Variants in PRKG1 observed in about 807,000 individuals in gnomAD.
PRKG1 encodes protein kinase cGMP-dependent 1.
Under a neutral mutation model 88.1 loss-of-function variants are expected in PRKG1, and 35 were observed. The observed-to-expected ratio is 0.40, with a 90% CI of 0.30 to 0.53. The LOEUF is 0.53. Ranked by LOEUF, PRKG1 falls within the 20% of genes least tolerant of loss-of-function variation. The probability of loss-of-function intolerance (pLI) is 0.59; values close to 1 mark genes in which losing one functional copy is unlikely to be tolerated. For missense variants in PRKG1, 540 were observed against 839.8 expected, an observed-to-expected ratio of 0.64 and a Z score of 4.41; for synonymous variants, 303 against 292.5, an observed-to-expected ratio of 1.04 and a Z score of -0.37.
At chr10:51,764,385 A>T (rs1370946904) in intron 3 of PRKG1, among the ~76,000 whole-genome samples, 1 of 152,254 alleles carries the variant, frequency 6.6e-6, no homozygotes, top group East Asian at 1.9e-4. Flanking sequence ...TAAATAGCTT[A>T]TGTTTTGGGG....
intron 3 of PRKG1, among the ~76,000 whole-genome samples, chr10:51,792,795 A>G (rs1377246673): frequency 6.6e-6 from 1 of 152,122 alleles, no homozygotes; most frequent in Non-Finnish European, 1.5e-5. Context: ...TGACTTTTAA[A>G]GATTACTTCT....
At chr10:51,870,338 G>T (rs1841124105) in intron 4 of PRKG1, among the ~76,000 whole-genome samples, 1 of 152,014 alleles carries the variant, frequency 6.6e-6, no homozygotes, top group South Asian at 2.1e-4. Flanking sequence ...TTCCTCCAGT[G>T]TTGTCAGAGT....
At chr10:51,867,651 C>T (rs1432507234) in intron 4 of PRKG1, among the ~76,000 whole-genome samples, 1 of 152,076 alleles carries the variant, frequency 6.6e-6, no homozygotes, top group Non-Finnish European at 1.5e-5. Context: ...GTGATATAGA[C>T]TGTGAATTGG....
intron 9 of PRKG1, among the ~76,000 whole-genome samples, chr10:52,185,804 A>C (rs1839185481): frequency 6.6e-6 from 1 of 152,202 alleles, no homozygotes; most frequent in Non-Finnish European, 1.5e-5. Flanking sequence ...ATGGTGGCTT[A>C]TGCTCTCTAA....
At chr10:51,532,724 T>C (rs576809487) in intron 3 of PRKG1, among the ~76,000 whole-genome samples, 4 of 152,316 alleles carry the variant, frequency 2.6e-5, no homozygotes, top group Admixed American at 2.6e-4. Flanking sequence ...ATAAGGCAGC[T>C]CTTTGACCCC....
At chr10:52,014,213 A>G (rs1027754351) in intron 5 of PRKG1, among the ~76,000 whole-genome samples, 7 of 152,170 alleles carry the variant, frequency 4.6e-5, no homozygotes, top group African/African-American at 1.7e-4. Context: ...ATTTATAAAT[A>G]AAAGAGGTTT....
intron 5 of PRKG1, among the ~76,000 whole-genome samples, chr10:51,921,134 C>A (rs1050479404): frequency 2.6e-5 from 4 of 152,014 alleles, no homozygotes; most frequent in African/African-American, 7.2e-5. Flanking sequence ...CCTCTTCCAC[C>A]TACTTATCCC....
intron 1 of PRKG1, among the ~76,000 whole-genome samples, chr10:51,080,173 G>T (rs181917750): frequency 3.3e-5 from 5 of 152,256 alleles, no homozygotes; most frequent in Admixed American, 2.0e-4. Flanking sequence ...TGAGACCAGC[G>T]TGCTAAAACC....
intron 3 of PRKG1, among the ~76,000 whole-genome samples, chr10:51,507,399 T>C (rs1841252997): frequency 1.3e-5 from 2 of 151,288 alleles, no homozygotes; most frequent in Admixed American, 1.3e-4. Context: ...CTAAATGAGC[T>C]ATCTGAAGAA....
At chr10:51,704,627 A>G (rs1841560340) in intron 3 of PRKG1, among the ~76,000 whole-genome samples, 2 of 152,196 alleles carry the variant, frequency 1.3e-5, no homozygotes, top group African/African-American at 4.8e-5. Flanking sequence ...GAAGGGTTAT[A>G]ATCTGGCATA....
chr10:51,074,310 C>T (rs1281576705), upstream of PRKG1: 2 of 489,610 alleles, frequency 4.1e-6, no homozygotes, highest in Non-Finnish European at 6.4e-6. Flanking sequence ...GCCGCGGCGC[C>T]CACCGCGTCT....
At chr10:51,583,681 G>A (rs913151783) in intron 3 of PRKG1, among the ~76,000 whole-genome samples, 1 of 151,944 alleles carries the variant, frequency 6.6e-6, no homozygotes, top group Admixed American at 6.6e-5. Flanking sequence ...GCAAATGTCA[G>A]GATAATTTTG....
chr10:51,735,800 T>C (rs1466077815), intron 3 of PRKG1, among the ~76,000 whole-genome samples: 3 of 149,846 alleles, frequency 2.0e-5, no homozygotes, highest in Non-Finnish European at 4.4e-5. Flanking sequence ...TTTTTTCAAA[T>C]GTTTTCTATC....
At chr10:51,199,725 G>A (rs535544216) in intron 2 of PRKG1, among the ~76,000 whole-genome samples, 60 of 152,256 alleles carry the variant, frequency 3.9e-4, no homozygotes, top group African/African-American at 1.4e-3. Context: ...GAATTTCACT[G>A]CTCATCTCAA....
chr10:52,068,375 A>G (rs1846411942), intron 7 of PRKG1, among the ~76,000 whole-genome samples: 1 of 152,166 alleles, frequency 6.6e-6, no homozygotes, highest in African/African-American at 2.4e-5. Context: ...AGCTCCCAGT[A>G]GCCACCTTCC....
intron 9 of PRKG1, among the ~76,000 whole-genome samples, chr10:52,199,930 T>G (rs535676340): frequency 6.6e-6 from 1 of 152,300 alleles, no homozygotes; most frequent in South Asian, 2.1e-4. Flanking sequence ...CAGGACAATT[T>G]GTTGGAATTG....
intron 1 of PRKG1, among the ~76,000 whole-genome samples, chr10:50,995,714 G>A (rs1842830355): frequency 6.6e-6 from 1 of 152,196 alleles, no homozygotes; most frequent in Non-Finnish European, 1.5e-5. Context: ...TAGTTAGCCA[G>A]TGTATGCTCA....
intron 1 of PRKG1, among the ~76,000 whole-genome samples, chr10:51,112,671 C>T (rs755437821): frequency 2.6e-5 from 4 of 151,954 alleles, no homozygotes; most frequent in African/African-American, 9.7e-5. Context: ...TTCTTTTGTT[C>T]GGATATTTAA....
At chr10:51,182,489 T>C (rs1324507970) in intron 2 of PRKG1, among the ~76,000 whole-genome samples, 4 of 152,154 alleles carry the variant, frequency 2.6e-5, no homozygotes, top group Admixed American at 6.6e-5. Context: ...CCAGGTCTGT[T>C]TGTGGCCAAA....
Sources: allele counts gnomAD v4.1 joint callset (sites outside exome capture counted in the v4.1 genomes callset), GRCh38; gene constraint gnomAD v4.1.1; transcripts MANE v1.5; gene names NCBI Gene and HGNC (gene_info 2026-07-23, HGNC 2026-07-21).